FBXO11: variants seen among roughly 807,000 people sequenced by gnomAD.
FBXO11 encodes the protein F-box only protein 11.
A neutral mutation model predicts 117.0 loss-of-function variants in FBXO11; 13 were observed. That is an observed-to-expected ratio of 0.11 (90% CI 0.07 to 0.18). The LOEUF (loss-of-function observed/expected upper bound fraction) is 0.18, where lower values mean the gene tolerates loss of function less well. Among genes scored for constraint, FBXO11 ranks in the 10% least tolerant of loss-of-function variants. The pLI is 1.00. For synonymous variants in FBXO11, 490 were observed against 380.5 expected (o/e 1.29, Z -3.35); for missense variants, 767 against 1,164.4 (o/e 0.66, Z 4.97).
At chr2:47,852,304 T>G (rs1203458315) in intron 1 of FBXO11, among the ~76,000 whole-genome samples, 1 of 152,120 alleles carries the variant, frequency 6.6e-6, no homozygotes, top group African/African-American at 2.4e-5. Context: ...ACCATTTTAT[T>G]GAAAGAAGAA....
At chr2:47,853,660 T>C (rs1406069398) in intron 1 of FBXO11, among the ~76,000 whole-genome samples, 5 of 152,164 alleles carry the variant, frequency 3.3e-5, no homozygotes, top group African/African-American at 1.2e-4. Context: ...AGTTCATCTA[T>C]AAAATGGAGA....
rs753835072 is a variant in FBXO11, at chr2:47,838,997, G to A, written c.449C>T (p.Pro150Leu). 2 of 1,613,066 alleles carry A rather than the reference G, an allele frequency of 1.2e-6. No individual in the cohort carries two copies. Among genetic ancestry groups the A allele is most frequent in the East Asian group, 2.2e-5 (1 of 44,830 alleles). ...TTTCTCCTGAAGATACTGTTCAGCA[G>A]GTGCTGCTATAAAGAGATTAACATA... ...SGKSQDLSAA[P>L]AEQYLQEKLP... The change falls in exon 4 of 23, where the codon CCT becomes CTT. Residue 150 changes from proline to leucine, a missense_variant. Pro to Leu is a moderately conservative substitution (Grantham distance 98, BLOSUM62 -3). Transcript: ENST00000403359.
chr2:47,813,437 T>TTATTTATTTATTTA lies in FBXO11; in HGVS notation c.2084-61_2084-60insTAAATAAATAAATA, dbSNP rs1347538479. On this transcript the variant is annotated intron_variant, in intron 17 of 22. Coordinates refer to ENST00000403359, the MANE Select transcript of FBXO11 (RefSeq NM_001190274.2). The stretch of plus-strand genomic sequence containing the variant: ...ATATTTCTTTTTAATTTTTTTTTTT[T>TTATTTATTTATTTA]TTTTTTTTTTTGAGACAGAGTCTCG... 3.1e-5 allele frequency: 32 copies of TTATTTATTTATTTA among 1,038,772 alleles called. No homozygotes were observed. The African/African-American group carries it at 4.8e-4, about 15-fold the overall frequency. 64.3% of individuals were successfully genotyped at this position (1,038,772 alleles called of 1,614,324 possible). A position where few individuals can be genotyped will look rare whatever the true frequency, so the allele number is the denominator to read the frequency against.
intron 11 of FBXO11, among the ~76,000 whole-genome samples, chr2:47,829,665 T>C (rs1462529207): frequency 6.6e-6 from 1 of 152,160 alleles, no homozygotes; most frequent in Non-Finnish European, 1.5e-5. Flanking sequence ...TAAGGAATTA[T>C]TCCTAATTAT....
chr2:47,819,554 T>C lies in FBXO11; in HGVS notation c.1798-476A>G, dbSNP rs556227868. Among the ~76,000 whole-genome samples the C allele has an allele frequency of 2.2e-4, 33 of 152,284 alleles. 1 individual carries two copies. The highest frequency in any genetic ancestry group is 7.9e-4 in the African/African-American group (33 of 41,564). ...TAGCCTCTACCTGAGTTTTAAGCTT[T>C]CAAAAATTTTATACTGTTCTTTAAG... On this transcript the variant is annotated intron_variant, in intron 14 of 22. Coordinates refer to ENST00000403359, the MANE Select transcript of FBXO11 (RefSeq NM_001190274.2).
At chr2:47,878,357 C>CTT (rs372609853) in intron 1 of FBXO11, among the ~76,000 whole-genome samples, 3 of 148,756 alleles carry the variant, frequency 2.0e-5, no homozygotes, top group African/African-American at 4.9e-5. Flanking sequence ...GCCTTTTGTT[C>CTT]TTTTTTTTTT....
chr2:47,834,473 C>T, intron 7 of FBXO11, 106 bp downstream of exon 7: 2 of 774,004 alleles, frequency 2.6e-6, no homozygotes, highest in Non-Finnish European at 3.9e-6. Flanking sequence ...CCTACTTTAC[C>T]AGCAGGATAT....
intron 11 of FBXO11, among the ~76,000 whole-genome samples, chr2:47,824,473 C>G (rs1007513059): frequency 2.0e-5 from 3 of 152,120 alleles, no homozygotes; most frequent in African/African-American, 7.2e-5. Context: ...GCCTGGACAA[C>G]AGAGTCTCAA....
At chr2:47,870,536 G>A (rs370681291) in intron 1 of FBXO11, among the ~76,000 whole-genome samples, 1 of 152,176 alleles carries the variant, frequency 6.6e-6, no homozygotes, top group Non-Finnish European at 1.5e-5. Flanking sequence ...TATGTGACAA[G>A]AGGCAGAGAC....
At chr2:47,884,241 A>C (rs1374677545) in intron 1 of FBXO11, among the ~76,000 whole-genome samples, 3 of 152,166 alleles carry the variant, frequency 2.0e-5, no homozygotes, top group Admixed American at 1.3e-4. Context: ...AATAAAAATT[A>C]TTTAAAAATA....
intron 1 of FBXO11, among the ~76,000 whole-genome samples, chr2:47,897,287 A>C (rs1389891143): frequency 6.6e-6 from 1 of 152,250 alleles, no homozygotes; most frequent in Non-Finnish European, 1.5e-5. Context: ...AAACCCAAGT[A>C]GAGTTGGCAA....
intron 11 of FBXO11, 102 bp downstream of exon 11, chr2:47,832,247 C>G (rs566464858): frequency 3.9e-5 from 38 of 972,936 alleles, no homozygotes; most frequent in Non-Finnish European, 5.4e-5. Context: ...AACCTATACT[C>G]TTCAATTCAG....
chr2:47,877,921 C>G (rs1209909464), intron 1 of FBXO11, among the ~76,000 whole-genome samples: 1 of 152,050 alleles, frequency 6.6e-6, no homozygotes, highest in African/African-American at 2.4e-5. Flanking sequence ...CTGACCTCAT[C>G]ATCCGCCTGC....
chr2:47,843,319 T>C (rs1673153862), intron 1 of FBXO11, among the ~76,000 whole-genome samples: 1 of 152,220 alleles, frequency 6.6e-6, no homozygotes. Flanking sequence ...AATTGTGTTG[T>C]TCAAATAGTC....
rs374346153 is a variant in FBXO11, at chr2:47,839,512, A to G, written c.361-12T>C. 5 of 1,612,498 alleles carry G rather than the reference A, an allele frequency of 3.1e-6. No individual in the cohort carries two copies. The African/African-American group carries it at 4.0e-5, about 13-fold the overall frequency. On this transcript the variant is annotated splice_polypyrimidine_tract_variant and intron_variant, in intron 2 of 22. Transcript: ENST00000403359. The stretch of plus-strand genomic sequence containing the variant: ...GAAGTTGAGGCGCCCTTCAAAAACA[A>G]AACAGAAACTAGTAAAGCAAATATT...
intron 11 of FBXO11, among the ~76,000 whole-genome samples, chr2:47,826,902 T>C (rs1671794777): frequency 6.6e-6 from 1 of 152,140 alleles, no homozygotes; most frequent in African/African-American, 2.4e-5. Flanking sequence ...AAATCACCTC[T>C]TAATACATTT....
chr2:47,823,232 T>C lies in FBXO11; in HGVS notation c.1527A>G (p.Glu509=). The change falls in exon 12 of 23, where the codon GAA becomes GAG. Residue 509 remains glutamate, a synonymous_variant. Coordinates refer to ENST00000403359, the MANE Select transcript of FBXO11 (RefSeq NM_001190274.2). ...HGQTGGIYVH[E]KGRGQFIENK... is the part of the protein sequence containing the mutation. ...TCTCTATGAATTGTCCTCTTCCTTT[T>C]TCATGGACATATATTCCTCCAGTCT... is the stretch of plus-strand genomic sequence containing the variant. 1 of 1,614,132 alleles carries C rather than the reference T, an allele frequency of 6.2e-7. No homozygotes were observed. Among genetic ancestry groups the C allele is most frequent in the Non-Finnish European group, 8.5e-7 (1 of 1,179,996 alleles).
intron 1 of FBXO11, among the ~76,000 whole-genome samples, chr2:47,867,527 A>C (rs1457609729): frequency 6.6e-6 from 1 of 152,246 alleles, no homozygotes; most frequent in Non-Finnish European, 1.5e-5. Context: ...ATTACTAAGC[A>C]GTATAAATGA....
At chr2:47,899,190 T>C (rs2104041935) in intron 1 of FBXO11, among the ~76,000 whole-genome samples, 1 of 148,066 alleles carries the variant, frequency 6.8e-6, no homozygotes, top group Non-Finnish European at 1.5e-5. Context: ...AGGAGAATGG[T>C]GTGAACCCGG....
Sources: allele counts gnomAD v4.1 joint callset (sites outside exome capture counted in the v4.1 genomes callset), GRCh38; gene constraint gnomAD v4.1.1; transcripts MANE v1.5; gene names NCBI Gene and HGNC (gene_info 2026-07-23, HGNC 2026-07-21).